Variants in NRXN2 observed in about 807,000 individuals in gnomAD.
The protein encoded by NRXN2 is neurexin 2.
NRXN2 carries 29 observed loss-of-function variants against 128.8 expected under a neutral mutation model. That is an observed-to-expected ratio of 0.23 (90% CI 0.17 to 0.31). The LOEUF is 0.31. NRXN2 is among the 10% of genes least tolerant of loss of function. The pLI is 1.00. For missense variants in NRXN2, 1,881 were observed against 2,452.6 expected (o/e 0.77, Z 4.92); for synonymous variants, 1,098 against 1,075.2 (o/e 1.02, Z -0.41).
In NRXN2 at chr11:64,651,440, G is replaced by A; in HGVS notation, c.2733C>T (p.Gly911=). 6.2e-7 allele frequency: 1 copy of A among 1,614,178 alleles called. No homozygotes were observed. The highest frequency in any genetic ancestry group is 8.5e-7 in the Non-Finnish European group (1 of 1,180,012). ...CGGGATCGGCCACGATGGCACGCAG[G>A]CCAAAGCGAGCATTGAGCTCACAGT... ...ITYCELNARF[G]LRAIVADPVT... The change falls in exon 14 of 23, where the codon GGC becomes GGT. Residue 911 remains glycine, a synonymous_variant. Coordinates refer to ENST00000265459, the MANE Select transcript of NRXN2 (RefSeq NM_015080.4). This position sits in a 1 kb window ranked among gnomAD's most constrained non-coding sequence, Gnocchi z 5.9.
intron 2 of NRXN2, among the ~76,000 whole-genome samples, chr11:64,709,146 C>T (rs1052972603): frequency 6.9e-6 from 1 of 145,734 alleles, no homozygotes; most frequent in Non-Finnish European, 1.5e-5. Flanking sequence ...GAGCTGAGAT[C>T]GTGCCATCGC....
intron 7 of NRXN2, among the ~76,000 whole-genome samples, chr11:64,671,641 G>A (rs2050650712): frequency 6.6e-6 from 1 of 152,072 alleles, no homozygotes; most frequent in South Asian, 2.1e-4. Flanking sequence ...GGACAGGCCA[G>A]AGAAAGGCAG....
chr11:64,614,241 C>T lies in NRXN2; in HGVS notation c.4252+6053G>A, dbSNP rs2041112779. On this transcript the variant is annotated intron_variant, in intron 22 of 22. Transcript: ENST00000265459. ...GCTCAAGGATCAGATTTAGGGGTTGCCCCCCGCCCCCGCAACCTCCCACCT... is the reference window on the plus strand; with the variant it reads ...GCTCAAGGATCAGATTTAGGGGTTGTCCCCCGCCCCCGCAACCTCCCACCT... Among the ~76,000 whole-genome samples the T allele has an allele frequency of 3.3e-5, 5 of 152,306 alleles. No individual in the cohort carries two copies. The South Asian group carries it at 1.0e-3, about 32-fold the overall frequency.
chr11:64,655,674 G>A (rs2135469663), intron 11 of NRXN2, among the ~76,000 whole-genome samples: 1 of 152,322 alleles, frequency 6.6e-6, no homozygotes, highest in African/African-American at 2.4e-5. Context: ...CATCTGTCCA[G>A]AGAAGAGGTG....
intron 7 of NRXN2, among the ~76,000 whole-genome samples, chr11:64,674,030 T>A (rs1279702509): frequency 1.4e-5 from 2 of 141,040 alleles, no homozygotes; most frequent in African/African-American, 2.8e-5. Context: ...ACAGCAAGAC[T>A]CTGTCTCCAA....
chr11:64,714,259 A>C lies in NRXN2; in HGVS notation c.-244-316T>G, dbSNP rs1490215855. On this transcript the variant is annotated intron_variant, in intron 1 of 22. Coordinates refer to ENST00000265459, the MANE Select transcript of NRXN2 (RefSeq NM_015080.4). This position sits in a 1 kb window ranked among gnomAD's most constrained non-coding sequence, Gnocchi z 4.5. ...CCTCTCAAAGGACCCCAGTGTCAGG[A>C]AGGACCAAGGCCAGCTCCTTGAGCG... is the stretch of plus-strand genomic sequence containing the variant. Among the ~76,000 whole-genome samples, 1 of 152,008 alleles carries C rather than the reference A, an allele frequency of 6.6e-6. No individual in the cohort carries two copies. Among genetic ancestry groups the C allele is most frequent in the Non-Finnish European group, 1.5e-5 (1 of 68,002 alleles).
chr11:64,614,847 G>A (rs2041227393), intron 22 of NRXN2, among the ~76,000 whole-genome samples: 1 of 152,262 alleles, frequency 6.6e-6, no homozygotes. Flanking sequence ...GGTCTTGACT[G>A]GATGCGGTGG....
intron 2 of NRXN2, among the ~76,000 whole-genome samples, chr11:64,699,180 G>T (rs1017121322): frequency 1.3e-5 from 2 of 152,104 alleles, no homozygotes; most frequent in Non-Finnish European, 2.9e-5. Flanking sequence ...CAGGCTGAAT[G>T]CAAGCACCAA....
intron 17 of NRXN2, among the ~76,000 whole-genome samples, chr11:64,641,575 G>T (rs1161408901): frequency 6.6e-6 from 1 of 152,028 alleles, no homozygotes; most frequent in Non-Finnish European, 1.5e-5. Flanking sequence ...AGGTACAGGG[G>T]TGAGAAGAGA....
Position 64,660,575 on chromosome 11 carries a change from G to C in NRXN2, c.2186-40C>G. Reference sequence around the variant, plus strand: ...TGGGGAAGAGGGAAGGAGAAGACAGGCAGAGGCCAGGGGAGGGAGAAGACC... The same window carrying C: ...TGGGGAAGAGGGAAGGAGAAGACAGCCAGAGGCCAGGGGAGGGAGAAGACC... On this transcript the variant is annotated intron_variant, in intron 10 of 22. Transcript: ENST00000265459. This position sits in a 1 kb window ranked among gnomAD's most constrained non-coding sequence, Gnocchi z 5.2. 6.2e-7 allele frequency: 1 copy of C among 1,607,272 alleles called. No homozygotes were observed. Among genetic ancestry groups the C allele is most frequent in the Non-Finnish European group, 8.5e-7 (1 of 1,174,922 alleles).
intron 11 of NRXN2, among the ~76,000 whole-genome samples, chr11:64,654,584 G>A (rs566040461): frequency 1.3e-5 from 2 of 152,258 alleles, no homozygotes; most frequent in East Asian, 1.9e-4. Context: ...GCCCCGTGTG[G>A]CTACACAGAG....
Position 64,651,887 on chromosome 11 carries a change from A to G in NRXN2, c.2536+148T>C. The G allele has an allele frequency of 7.7e-7, 1 of 1,294,408 alleles. No homozygotes were observed. The highest frequency in any genetic ancestry group is 1.1e-6 in the Non-Finnish European group (1 of 910,206). The allele number at this position is 1,294,408 out of a possible 1,614,324, so 80.2% of individuals were successfully genotyped here. A position where few individuals can be genotyped will look rare whatever the true frequency, so the allele number is the denominator to read the frequency against. ...CGTTCCTGGGGTCCAGATGCCCATA[A>G]CATTCCACCCCTGAAGGAGAAATGG... On this transcript the variant is annotated intron_variant, in intron 13 of 22. Transcript: ENST00000265459. The surrounding 1 kb of genome is among the most constrained non-coding windows in gnomAD (Gnocchi z 5.9).
intron 2 of NRXN2, among the ~76,000 whole-genome samples, chr11:64,712,090 C>T (rs1419588312): frequency 6.6e-6 from 1 of 152,198 alleles, no homozygotes; most frequent in Non-Finnish European, 1.5e-5. Context: ...CGCTCCCTGC[C>T]CCAAAGCCCC....
At chr11:64,681,407 G>A (rs2052264623) in intron 6 of NRXN2, among the ~76,000 whole-genome samples, 1 of 152,222 alleles carries the variant, frequency 6.6e-6, no homozygotes, top group Non-Finnish European at 1.5e-5. Context: ...AGAATGTGAT[G>A]AGACGGCTCA....
intron 6 of NRXN2, among the ~76,000 whole-genome samples, chr11:64,679,430 G>A (rs1453905602): frequency 2.0e-5 from 3 of 152,100 alleles, no homozygotes; most frequent in African/African-American, 7.2e-5. Context: ...GAGGTCAGGA[G>A]ATTGAGACCA....
intron 17 of NRXN2, among the ~76,000 whole-genome samples, chr11:64,636,418 G>A (rs2044732310): frequency 1.3e-5 from 2 of 151,452 alleles, no homozygotes; most frequent in Admixed American, 6.6e-5. Context: ...GGGGTGGGGG[G>A]CTGGTCACCC....
At chr11:64,614,119 A>C (rs2041094743) in intron 22 of NRXN2, among the ~76,000 whole-genome samples, 1 of 152,192 alleles carries the variant, frequency 6.6e-6, no homozygotes, top group Admixed American at 6.5e-5. Flanking sequence ...GAGTCAGAAG[A>C]GGCCACTGCT....
intron 17 of NRXN2, among the ~76,000 whole-genome samples, chr11:64,639,316 C>A (rs963034188): frequency 7.9e-5 from 12 of 152,122 alleles, no homozygotes; most frequent in African/African-American, 2.9e-4. Flanking sequence ...TCCTAACCCC[C>A]TGCTTGGCCA....
At chr11:64,678,326 C>T (rs868285221) in intron 6 of NRXN2, among the ~76,000 whole-genome samples, 1 of 152,040 alleles carries the variant, frequency 6.6e-6, no homozygotes, top group Non-Finnish European at 1.5e-5. Flanking sequence ...GTTCTCCAGG[C>T]TCTTCAATCA....
Sources: allele counts gnomAD v4.1 joint callset (sites outside exome capture counted in the v4.1 genomes callset), GRCh38; gene constraint gnomAD v4.1.1; non-coding constraint Gnocchi (gnomAD v3.1); transcripts MANE v1.5; gene names NCBI Gene and HGNC (gene_info 2026-07-23, HGNC 2026-07-21).